ARL13B: variants seen among roughly 807,000 people sequenced by gnomAD.
ARL13B encodes the protein ARF like GTPase 13B.
Under a neutral mutation model 56.1 loss-of-function variants are expected in ARL13B, and 36 were observed. The ratio of observed to expected loss-of-function variants is 0.64; its 90% CI spans 0.49 to 0.85. The LOEUF is 0.85. Among genes scored for constraint, ARL13B ranks in the 40% least tolerant of loss-of-function variants. ARL13B has a pLI of 0.00. For synonymous variants in ARL13B, 178 were observed against 171.1 expected (o/e 1.04, Z -0.32); for missense variants, 519 against 507.1 (o/e 1.02, Z -0.23).
chr3:94,031,022 TA>T (rs1356373702), intron 3 of ARL13B, among the ~76,000 whole-genome samples: 3 of 151,878 alleles, frequency 2.0e-5, no homozygotes, highest in Non-Finnish European at 4.4e-5. Flanking sequence ...AATAATTTTT[TA>T]AAAAAAGAAC....
At chr3:94,026,467 A>G (rs1311914826) in intron 3 of ARL13B, among the ~76,000 whole-genome samples, 1 of 152,300 alleles carries the variant, frequency 6.6e-6, no homozygotes, top group East Asian at 1.9e-4. Flanking sequence ...GTACTCAAAT[A>G]TGTTTATATG....
intron 4 of ARL13B, 56 bp downstream of exon 4, chr3:94,035,492 G>T (rs1418536276): frequency 5.7e-6 from 7 of 1,230,822 alleles, no homozygotes; most frequent in African/African-American, 1.6e-5. Context: ...AATAGGTTCA[G>T]TATAACTTGG....
At chr3:93,996,797 G>A (rs116459972) in intron 2 of ARL13B, 2,318 of 176,822 alleles carry the variant, frequency 0.013, 62 homozygotes, top group African/African-American at 0.052. Context: ...CCCCAACCCC[G>A]GGGCCGTGGA....
At chr3:94,052,406 G>A (rs1301184645) in intron 9 of ARL13B, among the ~76,000 whole-genome samples, 1 of 152,124 alleles carries the variant, frequency 6.6e-6, no homozygotes, top group Non-Finnish European at 1.5e-5. Context: ...CACAGTAGGA[G>A]TACTGTGTAC....
Position 93,980,313 on chromosome 3 carries a change from C to T in ARL13B, c.-111C>T, listed in dbSNP as rs1203511558. Reference sequence around the variant, plus strand: ...TCACTTCCCTCCCGGCTTTTCCTCCCGACTTATCCACTTTAGGGGCGTCTC... The same window carrying T: ...TCACTTCCCTCCCGGCTTTTCCTCCTGACTTATCCACTTTAGGGGCGTCTC... On this transcript the variant is annotated 5_prime_UTR_variant, in exon 1 of 10. Transcript: ENST00000394222. The T allele has an allele frequency of 1.4e-6, 2 of 1,433,284 alleles. No individual in the cohort carries two copies. The highest frequency in any genetic ancestry group is 9.7e-7 in the Non-Finnish European group (1 of 1,029,504). 88.8% of individuals were successfully genotyped at this position (1,433,284 alleles called of 1,614,324 possible).
At chr3:94,004,631 T>TAA (rs200143702) in intron 3 of ARL13B, among the ~76,000 whole-genome samples, 1 of 141,950 alleles carries the variant, frequency 7.0e-6, no homozygotes, top group Non-Finnish European at 1.5e-5. Flanking sequence ...TATTAAGGAT[T>TAA]AAAAAAAAAA....
chr3:94,037,246 T>C (rs2076785287), intron 5 of ARL13B, among the ~76,000 whole-genome samples: 1 of 152,176 alleles, frequency 6.6e-6, no homozygotes, highest in South Asian at 2.1e-4. Flanking sequence ...CTGAGGAACC[T>C]TTTTAGTTTC....
intron 6 of ARL13B, among the ~76,000 whole-genome samples, chr3:94,042,220 G>GA (rs774734229): frequency 1.3e-5 from 2 of 152,002 alleles, no homozygotes; most frequent in Non-Finnish European, 2.9e-5. Flanking sequence ...ATATGATGTA[G>GA]AAAAAAATCA....
At chr3:94,020,420 T>G (rs1289532346) in intron 3 of ARL13B, among the ~76,000 whole-genome samples, 1 of 152,184 alleles carries the variant, frequency 6.6e-6, no homozygotes, top group African/African-American at 2.4e-5. Context: ...CAGTATAGTT[T>G]GAAGGACTCA....
At chr3:94,024,993 C>G (rs1011633251) in intron 3 of ARL13B, among the ~76,000 whole-genome samples, 3 of 152,110 alleles carry the variant, frequency 2.0e-5, no homozygotes, top group East Asian at 3.9e-4. Flanking sequence ...TATTGGAGCA[C>G]AGTGTACACA....
At chr3:94,047,278 T>G (rs1433062704) in intron 7 of ARL13B, among the ~76,000 whole-genome samples, 1 of 152,110 alleles carries the variant, frequency 6.6e-6, no homozygotes, top group Middle Eastern at 3.2e-3. Flanking sequence ...TGGATGAAAA[T>G]ATTAATTTGA....
At chr3:94,006,422 A>G (rs571672234) in intron 3 of ARL13B, among the ~76,000 whole-genome samples, 35 of 152,166 alleles carry the variant, frequency 2.3e-4, no homozygotes, top group African/African-American at 8.2e-4. Flanking sequence ...CTGACTTGCA[A>G]TTAATTTCTC....
At chr3:94,004,475 T>C (rs982560594) in intron 3 of ARL13B, among the ~76,000 whole-genome samples, 1 of 152,148 alleles carries the variant, frequency 6.6e-6, no homozygotes, top group Non-Finnish European at 1.5e-5. Flanking sequence ...CCAGCCCTCA[T>C]AGCATTTATG....
chr3:94,037,964 C>G (rs1412752089), intron 5 of ARL13B, among the ~76,000 whole-genome samples: 3 of 151,992 alleles, frequency 2.0e-5, no homozygotes, highest in Non-Finnish European at 4.4e-5. Flanking sequence ...TTGAGGAGAC[C>G]TCTTCTGTTG....
At chr3:94,014,874 T>C in intron 3 of ARL13B, 1 of 1,614,064 alleles carries the variant, frequency 6.2e-7, no homozygotes, top group Non-Finnish European at 8.5e-7. Flanking sequence ...GAGATTTAAG[T>C]ATCCTTGTGA....
At chr3:94,011,406 T>C (rs2107470030) in intron 3 of ARL13B, among the ~76,000 whole-genome samples, 1 of 152,306 alleles carries the variant, frequency 6.6e-6, no homozygotes, top group East Asian at 1.9e-4. Flanking sequence ...TCTCTCAAAA[T>C]GACAGTTTCC....
At chr3:93,988,856 C>T in intron 1 of ARL13B, 1 of 382,038 alleles carries the variant, frequency 2.6e-6, no homozygotes, top group Non-Finnish European at 5.1e-6. Flanking sequence ...TCCACTTTTG[C>T]AGGAGCAGGT....
chr3:94,051,158 AT>A (rs1309808337), intron 9 of ARL13B, among the ~76,000 whole-genome samples: 16 of 152,156 alleles, frequency 1.1e-4, no homozygotes, highest in African/African-American at 3.6e-4. Context: ...TGATATATTT[AT>A]ACAAGGAGTT....
At chr3:93,999,898 C>G (rs2076025540) in intron 2 of ARL13B, among the ~76,000 whole-genome samples, 1 of 152,178 alleles carries the variant, frequency 6.6e-6, no homozygotes, top group African/African-American at 2.4e-5. Flanking sequence ...TTTGTCAGCT[C>G]CATCGTGTTA....
Sources: gnomAD v4.1 joint callset for allele counts (sites outside exome capture counted in the v4.1 genomes callset) on GRCh38, gnomAD v4.1.1 for gene constraint, MANE v1.5 for transcripts, NCBI Gene and HGNC (gene_info 2026-07-23, HGNC 2026-07-21) for gene names.